ANKRD55: variants seen among roughly 807,000 people sequenced by gnomAD.
ANKRD55 encodes ankyrin repeat domain-containing protein 55.
ANKRD55 carries 41 observed loss-of-function variants against 60.6 expected under a neutral mutation model. That is an observed-to-expected ratio of 0.68 (90% CI 0.53 to 0.88). The LOEUF is 0.88. ANKRD55 is among the 40% of genes least tolerant of loss of function. The pLI is 0.00. For missense variants in ANKRD55, 732 were observed against 767.6 expected, an observed-to-expected ratio of 0.95 and a Z score of 0.55; for synonymous variants, 264 against 290.3, an observed-to-expected ratio of 0.91 and a Z score of 0.92.
At chr5:56,174,929 T>A (rs752333531) in intron 4 of ANKRD55, among the ~76,000 whole-genome samples, 14 of 151,472 alleles carry the variant, frequency 9.2e-5, no homozygotes, top group Non-Finnish European at 1.9e-4. Flanking sequence ...AGTATCTGAC[T>A]CAGAAGGTCT....
chr5:56,149,865 G>A (rs546437846), intron 6 of ANKRD55, among the ~76,000 whole-genome samples: 11 of 145,412 alleles, frequency 7.6e-5, no homozygotes, highest in South Asian at 2.2e-4. Flanking sequence ...TTTTTGAGAC[G>A]GAGTCTCATT....
intron 2 of ANKRD55, among the ~76,000 whole-genome samples, chr5:56,223,197 T>C (rs1760014769): frequency 1.3e-5 from 2 of 152,060 alleles, no homozygotes; most frequent in Admixed American, 1.3e-4. Flanking sequence ...AGGGCCAATA[T>C]TCAACATTCT....
At position 56,192,940 on chromosome 5, in the gene ANKRD55, T is replaced by A. The variant is rs545691996; in HGVS notation, c.59-9306A>T. On this transcript the variant is annotated intron_variant, in intron 2 of 11. Coordinates refer to ENST00000341048, the MANE Select transcript of ANKRD55 (RefSeq NM_024669.3). Reference sequence around the variant, plus strand: ...CAGAAGAAAATAAAGACTTCCGTGCTGTGGGATTGAAAACCAAAGCAGGCA... The same window carrying A: ...CAGAAGAAAATAAAGACTTCCGTGCAGTGGGATTGAAAACCAAAGCAGGCA... 1.1e-5 allele frequency: 7 copies of A among 635,346 alleles called. No homozygotes were observed. The Admixed American group carries it at 1.6e-4, about 14-fold the overall frequency. The allele number at this position is 635,346 out of a possible 1,614,324, so 39.4% of individuals were successfully genotyped here.
At chr5:56,108,730 T>A (rs1259483880) in intron 10 of ANKRD55, among the ~76,000 whole-genome samples, 4 of 152,096 alleles carry the variant, frequency 2.6e-5, no homozygotes, top group Non-Finnish European at 5.9e-5. Context: ...ATATGGCCCT[T>A]TTCTACTTTT....
At position 56,104,561 on chromosome 5, in the gene ANKRD55, TCAGC is replaced by T. The variant is rs557286454; in HGVS notation, c.1631-1979_1631-1976del. Among the ~76,000 whole-genome samples the T allele has an allele frequency of 8.5e-5, 13 of 152,198 alleles. No homozygotes were observed. In the East Asian group the frequency reaches 1.9e-3, roughly 23 times the overall value. On this transcript the variant is annotated intron_variant, in intron 10 of 11. Transcript: ENST00000341048. ...TGCTGCAGGCAACTCCAGGGAGTGT[TCAGC>T]TTTGGGGACAGGGTCAAGGACCACT...
At chr5:56,177,193 T>C (rs761374375) in intron 3 of ANKRD55, among the ~76,000 whole-genome samples, 17 of 152,138 alleles carry the variant, frequency 1.1e-4, no homozygotes, top group Non-Finnish European at 2.2e-4. Flanking sequence ...AGTGATGAGC[T>C]TTGCAGTGCA....
intron 2 of ANKRD55, among the ~76,000 whole-genome samples, chr5:56,186,673 A>T (rs531267845): frequency 6.6e-6 from 1 of 152,356 alleles, no homozygotes; most frequent in African/African-American, 2.4e-5. Flanking sequence ...AATCTGGGAC[A>T]TGTAGAGAAA....
chr5:56,201,926 A>T (rs1281941230), intron 2 of ANKRD55, among the ~76,000 whole-genome samples: 39 of 152,376 alleles, frequency 2.6e-4, no homozygotes, highest in Non-Finnish European at 1.5e-4. Context: ...TGGATAGAGA[A>T]AATGTGATAC....
rs564601102 is a variant in ANKRD55 at position 56,226,542 on chromosome 5, G to A, written c.58+6314C>T. ...GCAAAAAAAAAACTACCATCAGAGTGAACAGGCAACCTGCAGAATGGGAGA... is the reference window on the plus strand; with the variant it reads ...GCAAAAAAAAAACTACCATCAGAGTAAACAGGCAACCTGCAGAATGGGAGA... On this transcript the variant is annotated intron_variant, in intron 2 of 11. Transcript: ENST00000341048. 9.9e-5 allele frequency among the ~76,000 whole-genome samples: 15 copies of A among 152,174 alleles called. No homozygotes were observed. The South Asian group carries it at 3.1e-3, about 32-fold the overall frequency.
chr5:56,183,902 G>A (rs1758908752), intron 2 of ANKRD55, among the ~76,000 whole-genome samples: 1 of 152,180 alleles, frequency 6.6e-6, no homozygotes, highest in African/African-American at 2.4e-5. Context: ...CAGGCATTCA[G>A]GCTTCTCGAA....
intron 7 of ANKRD55, among the ~76,000 whole-genome samples, chr5:56,128,363 C>G (rs1485811857): frequency 2.6e-5 from 4 of 152,174 alleles, no homozygotes; most frequent in Admixed American, 2.6e-4. Context: ...TCCCTCGCCC[C>G]TGGGGTGGAG....
chr5:56,182,645 G>T lies in ANKRD55; in HGVS notation c.181+867C>A, dbSNP rs149726772. The stretch of plus-strand genomic sequence containing the variant: ...TTTCTTGGTATGACGAGTGATTTTT[G>T]ATTGAAACTTGGACTTTTGGGGTAT... On this transcript the variant is annotated intron_variant, in intron 3 of 11. Transcript: ENST00000341048. Among the ~76,000 whole-genome samples, 992 of 152,072 alleles carry T rather than the reference G, an allele frequency of 6.5e-3. 15 individuals are homozygous for T. The highest frequency in any genetic ancestry group is 0.023 in the African/African-American group (935 of 41,480).
Position 56,170,685 on chromosome 5 carries a change from G to A in ANKRD55, c.422+9C>T, listed in dbSNP as rs1200920789. 2.5e-6 allele frequency: 4 copies of A among 1,612,182 alleles called. No individual in the cohort carries two copies. Among genetic ancestry groups the A allele is most frequent in the Admixed American group, 3.3e-5 (2 of 59,990 alleles). ...CCAACTTGAGCATCATGTAAACCTG[G>A]CCACTTACCTCATATCGGGCTCAGC... On this transcript the variant is annotated intron_variant, in intron 5 of 11. Transcript: ENST00000341048.
chr5:56,211,334 A>G (rs1053985487), intron 2 of ANKRD55, among the ~76,000 whole-genome samples: 15 of 152,202 alleles, frequency 9.9e-5, no homozygotes, highest in African/African-American at 3.6e-4. Context: ...AGCACTTAAC[A>G]TAGAGCTCAC....
chr5:56,149,737 T>A (rs1757994828), intron 6 of ANKRD55, among the ~76,000 whole-genome samples: 2 of 151,146 alleles, frequency 1.3e-5, no homozygotes, highest in Admixed American at 1.3e-4. Flanking sequence ...TTTTGGGAGG[T>A]TTTTTTTTGG....
intron 5 of ANKRD55, among the ~76,000 whole-genome samples, chr5:56,166,310 T>A (rs184613195): frequency 6.6e-6 from 1 of 151,104 alleles, no homozygotes; most frequent in African/African-American, 2.4e-5. Flanking sequence ...CAGGTTGGAT[T>A]ACAGTGGCAC....
chr5:56,146,589 C>T (rs1018044371), intron 6 of ANKRD55: 6 of 152,102 alleles, frequency 3.9e-5, no homozygotes, highest in Admixed American at 1.3e-4. Context: ...CGAATTTCTT[C>T]GTAAAAATTT....
In ANKRD55 at chr5:56,176,136, A is replaced by G. The variant is rs1429268161; in HGVS notation, c.312+16T>C. 11 of 1,613,922 alleles carry G rather than the reference A, an allele frequency of 6.8e-6. No homozygotes were observed. ...TACCCTGCTCCTTCCACCCTGTGAC[A>G]GGCACAAGTCAGTACCAGGTAGGTG... On this transcript the variant is annotated intron_variant, in intron 4 of 11. Coordinates refer to ENST00000341048, the MANE Select transcript of ANKRD55 (RefSeq NM_024669.3).
Position 56,185,209 on chromosome 5 carries a change from C to T in ANKRD55, c.59-1575G>A, listed in dbSNP as rs376399840. 6.2e-4 allele frequency among the ~76,000 whole-genome samples: 93 copies of T among 150,346 alleles called. 3 individuals carry two copies. In the South Asian group the frequency reaches 0.019, roughly 31 times the overall value. ...CTGCACTCTAGCCTGGGCGACAGAGCGAGACTCTGTCTCAAAACAAAACAA... is the reference window on the plus strand; with the variant it reads ...CTGCACTCTAGCCTGGGCGACAGAGTGAGACTCTGTCTCAAAACAAAACAA... On this transcript the variant is annotated intron_variant, in intron 2 of 11. Coordinates refer to ENST00000341048, the MANE Select transcript of ANKRD55 (RefSeq NM_024669.3).
Sources: allele counts gnomAD v4.1 joint callset (sites outside exome capture counted in the v4.1 genomes callset), GRCh38; gene constraint gnomAD v4.1.1; transcripts MANE v1.5; gene names NCBI Gene and HGNC (gene_info 2026-07-23, HGNC 2026-07-21).